Variants in ANKRD31 observed in about 807,000 individuals in gnomAD.
ANKRD31 encodes ankyrin repeat domain 31.
ANKRD31 carries 147 observed loss-of-function variants against 186.0 expected under a neutral mutation model. The observed-to-expected ratio is 0.79, with a 90% CI of 0.69 to 0.91. The LOEUF (loss-of-function observed/expected upper bound fraction) is 0.91, where lower values mean the gene tolerates loss of function less well. Among genes scored for constraint, ANKRD31 ranks in the 40% least tolerant of loss-of-function variants. ANKRD31 has a pLI of 0.00. For synonymous variants in ANKRD31, 673 were observed against 736.4 expected (o/e 0.91, Z 1.39); for missense variants, 1,986 against 2,148.8 (o/e 0.92, Z 1.50).
intron 10 of ANKRD31, among the ~76,000 whole-genome samples, chr5:75,180,088 AACAG>A (rs1199428014): frequency 6.6e-6 from 1 of 152,210 alleles, no homozygotes; most frequent in Non-Finnish European, 1.5e-5. Flanking sequence ...ATACACCTAT[AACAG>A]ACAAACAGAG....
chr5:75,155,242 G>T (rs1406501714), intron 11 of ANKRD31, among the ~76,000 whole-genome samples: 1 of 151,850 alleles, frequency 6.6e-6, no homozygotes, highest in East Asian at 1.9e-4. Context: ...AATTTTTCCA[G>T]CAATAGTCTA....
At chr5:75,116,729 A>G in intron 18 of ANKRD31, 48 bp from the exon 19 acceptor site, 1 of 1,148,006 alleles carries the variant, frequency 8.7e-7, no homozygotes. Context: ...GCAAAAATAT[A>G]GTTTCATTTT....
At chr5:75,164,338 G>T (rs1752776336) in intron 11 of ANKRD31, among the ~76,000 whole-genome samples, 1 of 152,188 alleles carries the variant, frequency 6.6e-6, no homozygotes, top group Admixed American at 6.5e-5. Flanking sequence ...CACAGATACT[G>T]CAACATGATA....
At chr5:75,115,899 C>T (rs1748200606) in intron 19 of ANKRD31, among the ~76,000 whole-genome samples, 1 of 152,002 alleles carries the variant, frequency 6.6e-6, no homozygotes, top group African/African-American at 2.4e-5. Flanking sequence ...CCCAGCAATC[C>T]CATTACTGGG....
chr5:75,141,575 G>A (rs576594362), intron 15 of ANKRD31, among the ~76,000 whole-genome samples: 1 of 151,970 alleles, frequency 6.6e-6, no homozygotes, highest in African/African-American at 2.4e-5. Context: ...AAATTAGCAG[G>A]GTGAGTGAGT....
intron 20 of ANKRD31, among the ~76,000 whole-genome samples, chr5:75,108,175 T>C (rs942681018): frequency 1.3e-5 from 2 of 152,016 alleles, no homozygotes; most frequent in Admixed American, 1.3e-4. Flanking sequence ...ACTTACACTA[T>C]ATATAATTAT....
chr5:75,160,955 T>G (rs894991335), intron 11 of ANKRD31, among the ~76,000 whole-genome samples: 1 of 152,196 alleles, frequency 6.6e-6, no homozygotes. Context: ...CATGGAACTA[T>G]AAGTCCATTA....
intron 24 of ANKRD31, among the ~76,000 whole-genome samples, chr5:75,083,260 CA>C (rs1261998295): frequency 6.6e-6 from 1 of 152,102 alleles, no homozygotes; most frequent in Non-Finnish European, 1.5e-5. Flanking sequence ...AGCATGTCAG[CA>C]CTGAAAAAAT....
At chr5:75,183,062 G>T (rs1351863889) in intron 10 of ANKRD31, among the ~76,000 whole-genome samples, 1 of 152,150 alleles carries the variant, frequency 6.6e-6, no homozygotes, top group Non-Finnish European at 1.5e-5. Flanking sequence ...TATTCATTAT[G>T]ATCAATTGGG....
At chr5:75,160,862 C>T (rs1752527095) in intron 11 of ANKRD31, among the ~76,000 whole-genome samples, 1 of 152,158 alleles carries the variant, frequency 6.6e-6, no homozygotes, top group African/African-American at 2.4e-5. Context: ...ATCTATTTCT[C>T]TTGGTTCTCA....
At chr5:75,208,991 A>G (rs1756435427) in intron 4 of ANKRD31, among the ~76,000 whole-genome samples, 1 of 152,172 alleles carries the variant, frequency 6.6e-6, no homozygotes. Flanking sequence ...CATTTTCAGC[A>G]AACCTTCATT....
At chr5:75,094,918 G>T (rs1473836675) in intron 22 of ANKRD31, among the ~76,000 whole-genome samples, 1 of 152,102 alleles carries the variant, frequency 6.6e-6, no homozygotes, top group East Asian at 1.9e-4. Context: ...TCTTAAAAGA[G>T]AAATTGTTAC....
intron 1 of ANKRD31, among the ~76,000 whole-genome samples, chr5:75,233,071 T>A (rs1758048967): frequency 6.6e-6 from 1 of 151,920 alleles, no homozygotes; most frequent in Non-Finnish European, 1.5e-5. Flanking sequence ...CTTTTCCTTT[T>A]TTTTTTTTGA....
At chr5:75,100,720 G>C (rs1746779087) in intron 22 of ANKRD31, among the ~76,000 whole-genome samples, 2 of 152,100 alleles carry the variant, frequency 1.3e-5, no homozygotes, top group Non-Finnish European at 2.9e-5. Context: ...TTTAAAGTCT[G>C]TTTTATCAGA....
At chr5:75,128,564 G>A (rs1749449336) in intron 17 of ANKRD31, among the ~76,000 whole-genome samples, 1 of 151,388 alleles carries the variant, frequency 6.6e-6, no homozygotes, top group Admixed American at 6.6e-5. Context: ...GAGTGCAGTG[G>A]TACGATCTTG....
intron 5 of ANKRD31, among the ~76,000 whole-genome samples, chr5:75,204,156 T>C (rs946115255): frequency 1.3e-5 from 2 of 152,206 alleles, no homozygotes; most frequent in African/African-American, 4.8e-5. Flanking sequence ...TTTGAAATAA[T>C]TTTTTACCAT....
At chr5:75,193,155 C>A (rs1328680367) in intron 8 of ANKRD31, among the ~76,000 whole-genome samples, 156 bp downstream of exon 8, 8 of 152,092 alleles carry the variant, frequency 5.3e-5, no homozygotes, top group African/African-American at 1.4e-4. Context: ...TGTGGTATGG[C>A]ACTGATCAAA....
rs147633709 is a variant in ANKRD31 at position 75,081,879 on chromosome 5, T to C, written c.5576-1240A>G. On this transcript the variant is annotated intron_variant, in intron 24 of 25. Transcript: ENST00000506364. ...ATTTGCACAAGAAATCAAATACTAT[T>C]AGTCATCCAAAGTCTATAGTCAGGC... 2.6e-4 allele frequency among the ~76,000 whole-genome samples: 40 copies of C among 152,238 alleles called. No homozygotes were observed. In the East Asian group the frequency reaches 6.4e-3, roughly 24 times the overall value.
In ANKRD31 at chr5:75,193,498, A is replaced by C; in HGVS notation, c.1111T>G (p.Ser371Ala). ...TCCTGATCAGAGCTATTTGTCACTGAATTTGAATTTCTCTTATTACTTAGT... is the reference window on the plus strand; with the variant it reads ...TCCTGATCAGAGCTATTTGTCACTGCATTTGAATTTCTCTTATTACTTAGT... ...EPLSNKRNSNSVTNSSDQETA... is the reference protein window; with the variant it reads ...EPLSNKRNSNAVTNSSDQETA... The change falls in exon 8 of 26, where the codon TCA becomes GCA. Residue 371 changes from serine (S) to alanine (A), a missense_variant. Ser to Ala is a moderately conservative substitution (Grantham distance 99). Coordinates refer to ENST00000506364, the MANE Select transcript of ANKRD31 (RefSeq NM_001372053.1). 1 of 1,537,228 alleles carries C rather than the reference A, an allele frequency of 6.5e-7. No homozygotes were observed. The highest frequency in any genetic ancestry group is 1.7e-4 in the Middle Eastern group (1 of 5,980).
Sources: gnomAD v4.1 joint callset for allele counts (sites outside exome capture counted in the v4.1 genomes callset) on GRCh38, gnomAD v4.1.1 for gene constraint, MANE v1.5 for transcripts, NCBI Gene and HGNC (gene_info 2026-07-23, HGNC 2026-07-21) for gene names.